FTSJ3: variants seen among roughly 807,000 people sequenced by gnomAD.
FTSJ3 encodes the protein pre-rRNA 2'-O-ribose RNA methyltransferase FTSJ3.
Under a neutral mutation model 111.5 loss-of-function variants are expected in FTSJ3, and 46 were observed. The ratio of observed to expected loss-of-function variants is 0.41; its 90% confidence interval spans 0.33 to 0.53. The LOEUF is 0.53. FTSJ3 is among the 20% of genes least tolerant of loss of function. The pLI, the probability that FTSJ3 is intolerant of heterozygous loss-of-function variation, is 0.19. For synonymous variants in FTSJ3, 408 were observed against 383.0 expected, an observed-to-expected ratio of 1.07 and a Z score of -0.76; for missense variants, 1,075 against 1,063.8, an observed-to-expected ratio of 1.01 and a Z score of -0.15.
chr17:63,827,060 A>G lies in FTSJ3; in HGVS notation c.-35T>C, dbSNP rs956583367. On this transcript the variant is annotated 5_prime_UTR_variant, in exon 1 of 21. Transcript: ENST00000427159. ...CCCTCTCCGCACACTACCTAGACCCAGAGCCGCTTTCTCCACACTTGGAAC... is the reference window on the plus strand; with the variant it reads ...CCCTCTCCGCACACTACCTAGACCCGGAGCCGCTTTCTCCACACTTGGAAC... 3 of 699,428 alleles carry G rather than the reference A, an allele frequency of 4.3e-6. No individual in the cohort carries two copies. The highest frequency in any genetic ancestry group is 7.4e-6 in the Non-Finnish European group (3 of 402,834). 43.3% of individuals were successfully genotyped at this position (699,428 alleles called of 1,614,324 possible). A position where few individuals can be genotyped will look rare whatever the true frequency, so the allele number is the denominator to read the frequency against.
chr17:63,827,118 C>A lies in FTSJ3; in HGVS notation c.-93G>T. On this transcript the variant is annotated 5_prime_UTR_variant, in exon 1 of 21. Coordinates refer to ENST00000427159, the MANE Select transcript of FTSJ3 (RefSeq NM_017647.4). The stretch of plus-strand genomic sequence containing the variant: ...GTATGCAGCTAACTACTTCCGCTTC[C>A]GCTTGCGTCCCCTGCGTCCCTGGCT... The A allele has an allele frequency of 1.6e-6, 1 of 610,290 alleles. No individual in the cohort carries two copies. Among genetic ancestry groups the A allele is most frequent in the Non-Finnish European group, 2.9e-6 (1 of 345,002 alleles). The allele number at this position is 610,290 out of a possible 1,614,324, so 37.8% of individuals were successfully genotyped here. A position where few individuals can be genotyped will look rare whatever the true frequency, so the allele number is the denominator to read the frequency against.
chr17:63,821,973 G>T lies in FTSJ3; in HGVS notation c.1475+11C>A, dbSNP rs372896206. On this transcript the variant is annotated intron_variant, in intron 14 of 20. Transcript: ENST00000427159. Reference sequence around the variant, plus strand: ...TGGCAGCATTCCCTTTGGTGCACACGTGCCCCTTACCGCTTTTGGTCCCTT... The same window carrying T: ...TGGCAGCATTCCCTTTGGTGCACACTTGCCCCTTACCGCTTTTGGTCCCTT... 6.2e-7 allele frequency: 1 copy of T among 1,613,656 alleles called. No homozygotes were observed. Among genetic ancestry groups the T allele is most frequent in the Non-Finnish European group, 8.5e-7 (1 of 1,179,802 alleles).
chr17:63,824,649 C>T lies in FTSJ3; in HGVS notation c.905G>A (p.Arg302His), dbSNP rs749340774. 42 of 1,613,726 alleles carry T rather than the reference C, an allele frequency of 2.6e-5. No individual in the cohort carries two copies. The highest frequency in any genetic ancestry group is 1.2e-4 in the Admixed American group (7 of 60,022). ...VCCQDIRVLG[R>H]KELRSLLNWR... ...CCCCACTCCATACCTGAGCTCCTTG[C>T]GCCCCAACACTCTGATGTCCTGACA... is the stretch of plus-strand genomic sequence containing the variant. Residue 302 changes from arginine (R) to histidine (H), a missense_variant, in exon 10 of 21, where the codon CGC becomes CAC. Physicochemically the swap from Arg to His is conservative, Grantham distance 29 (BLOSUM62 0). This residue lies in a region of FTSJ3 where 867 missense variants were observed against 796.9 expected (regional missense o/e 1.09). Coordinates refer to ENST00000427159, the MANE Select transcript of FTSJ3 (RefSeq NM_017647.4).
chr17:63,827,130 CTGCGTCCCT>C lies in FTSJ3; in HGVS notation c.-114_-106del, dbSNP rs1286245639. The C allele has an allele frequency of 2.0e-5, 12 of 608,918 alleles. No homozygotes were observed. Among genetic ancestry groups the C allele is most frequent in the African/African-American group, 1.8e-4 (10 of 54,144 alleles). 37.7% of individuals were successfully genotyped at this position (608,918 alleles called of 1,614,324 possible). A position where few individuals can be genotyped will look rare whatever the true frequency, so the allele number is the denominator to read the frequency against. ...CTACTTCCGCTTCCGCTTGCGTCCCCTGCGTCCCTGGCTCGAGGTTTTCCGCCATTTTGA... is the reference window on the plus strand; with the variant it reads ...CTACTTCCGCTTCCGCTTGCGTCCCCGGCTCGAGGTTTTCCGCCATTTTGA... On this transcript the variant is annotated 5_prime_UTR_variant, in exon 1 of 21. Coordinates refer to ENST00000427159, the MANE Select transcript of FTSJ3 (RefSeq NM_017647.4).
In FTSJ3 at chr17:63,826,547, C is replaced by T; in HGVS notation, c.173+20G>A. 6.3e-7 allele frequency: 1 copy of T among 1,595,058 alleles called. No homozygotes were observed. The highest frequency in any genetic ancestry group is 8.6e-7 in the Non-Finnish European group (1 of 1,163,148). On this transcript the variant is annotated intron_variant, in intron 3 of 20. Coordinates refer to ENST00000427159, the MANE Select transcript of FTSJ3 (RefSeq NM_017647.4). ...CCAGAAAGCGGCCACCAGGAGCAAC[C>T]TGTGGCGAGTGTTACGAACCATCCC...
chr17:63,824,887 T>G lies in FTSJ3; in HGVS notation c.754A>C (p.Thr252Pro). The G allele has an allele frequency of 6.3e-7, 1 of 1,597,170 alleles. No individual in the cohort carries two copies. Among genetic ancestry groups the G allele is most frequent in the South Asian group, 1.1e-5 (1 of 87,630 alleles). ...GCTCGGAGGAAGTCAGTGACTGAGG[T>G]ACGGTGATAGAGAGTGAGGTCACCC... ...AEGDLTLYHR[T>P]SVTDFLRAAN... The change falls in exon 9 of 21, where the codon ACC becomes CCC. Residue 252 changes from threonine to proline, a missense_variant. Coordinates refer to ENST00000427159, the MANE Select transcript of FTSJ3 (RefSeq NM_017647.4).
rs1363675559 is a variant in FTSJ3, at chr17:63,819,787, G to C, written c.*15C>G. 6.2e-7 allele frequency: 1 copy of C among 1,603,672 alleles called. No individual in the cohort carries two copies. Among genetic ancestry groups the C allele is most frequent in the Non-Finnish European group, 8.5e-7 (1 of 1,174,000 alleles). On this transcript the variant is annotated 3_prime_UTR_variant, in exon 21 of 21. Transcript: ENST00000427159. Reference sequence around the variant, plus strand: ...TCCTAGTCCCCATGCTCTCCTGGGAGCCTGGCAGCTCTGCTTACTTCCGTT... The same window carrying C: ...TCCTAGTCCCCATGCTCTCCTGGGACCCTGGCAGCTCTGCTTACTTCCGTT...
At position 63,820,453 on chromosome 17, in the gene FTSJ3, C is replaced by T. The variant is rs1567751156; in HGVS notation, c.2073-15G>A. The T allele has an allele frequency of 3.7e-6, 6 of 1,613,028 alleles. 1 individual carries two copies. Among genetic ancestry groups the T allele is most frequent in the Admixed American group, 1.7e-5 (1 of 59,962 alleles). ...TAAATGTGTACCTGAGTGGAAAGGA[C>T]ATCTGTCTAATATCCAACATTCCAG... On this transcript the variant is annotated splice_polypyrimidine_tract_variant and intron_variant, in intron 18 of 20. Transcript: ENST00000427159.
At chr17:63,826,977 TCCACTTCCAGTTTC>T (rs141581810) in intron 1 of FTSJ3, 49 bp from the exon 2 acceptor site, 595,077 of 1,026,702 alleles carry the variant, frequency 0.58, 191,217 homozygotes, top group African/African-American at 0.89. Context: ...AGCACCAGAT[TCCACTTCCAGTTTC>T]CCACTTCCAG....
Position 63,819,730 on chromosome 17 carries a change from G to A in FTSJ3, c.*72C>T. The A allele has an allele frequency of 1.4e-6, 2 of 1,399,518 alleles. No individual in the cohort carries two copies. Among genetic ancestry groups the A allele is most frequent in the South Asian group, 1.3e-5 (1 of 75,384 alleles). 86.7% of individuals were successfully genotyped at this position (1,399,518 alleles called of 1,614,324 possible). ...GAGCAGGGGCTAGGCCGGTAATCAA[G>A]GGGGCCAGACTGAGCCATGCCACAC... On this transcript the variant is annotated 3_prime_UTR_variant, in exon 21 of 21. Coordinates refer to ENST00000427159, the MANE Select transcript of FTSJ3 (RefSeq NM_017647.4).
rs1357407031 is a variant in FTSJ3, at chr17:63,819,859, C to T, written c.2487G>A (p.Lys829=). Residue 829 remains lysine (K), a synonymous_variant, in exon 21 of 21, where the codon AAG becomes AAA. Coordinates refer to ENST00000427159, the MANE Select transcript of FTSJ3 (RefSeq NM_017647.4). ...GHFKVVDSRM[K]KDQRAQQRKE... ...TACGTTGCTGTGCTCTTTGGTCCTT[C>T]TTCATCCTTGAGTCCACCACCTTGA... is the stretch of plus-strand genomic sequence containing the variant. The T allele has an allele frequency of 3.1e-6, 5 of 1,614,190 alleles. No homozygotes were observed. The South Asian group carries it at 5.5e-5, about 18-fold the overall frequency.
Position 63,827,190 on chromosome 17 carries a change from C to T in FTSJ3, c.-165G>A. 1 of 604,510 alleles carries T rather than the reference C, an allele frequency of 1.7e-6. No homozygotes were observed. The highest frequency in any genetic ancestry group is 2.0e-5 in the South Asian group (1 of 49,912). The allele number at this position is 604,510 out of a possible 1,614,324, so 37.4% of individuals were successfully genotyped here. A position where few individuals can be genotyped will look rare whatever the true frequency, so the allele number is the denominator to read the frequency against. On this transcript the variant is annotated 5_prime_UTR_variant, in exon 1 of 21. Coordinates refer to ENST00000427159, the MANE Select transcript of FTSJ3 (RefSeq NM_017647.4). ...GTGTGGCCCTAGATTGTTCTCAATA[C>T]TCTGTCCTTGGGTTTTGTAAGTTGA...
intron 8 of FTSJ3, 48 bp from the exon 9 acceptor site, chr17:63,824,977 T>C (rs1193929438): frequency 1.3e-6 from 2 of 1,582,714 alleles, no homozygotes; most frequent in Non-Finnish European, 1.7e-6. Flanking sequence ...CTAAGGTACC[T>C]GTAGGACCCA....
Position 63,819,795 on chromosome 17 carries a change from G to A in FTSJ3, c.*7C>T, listed in dbSNP as rs1363406953. On this transcript the variant is annotated 3_prime_UTR_variant, in exon 21 of 21. Transcript: ENST00000427159. ...CCCATGCTCTCCTGGGAGCCTGGCAGCTCTGCTTACTTCCGTTTGTGTTTT... is the reference window on the plus strand; with the variant it reads ...CCCATGCTCTCCTGGGAGCCTGGCAACTCTGCTTACTTCCGTTTGTGTTTT... 2.5e-6 allele frequency: 4 copies of A among 1,608,176 alleles called. No homozygotes were observed. The Admixed American group carries it at 6.7e-5, about 27-fold the overall frequency.
At position 63,820,453 on chromosome 17, in the gene FTSJ3, C is replaced by G. The variant is rs1567751156; in HGVS notation, c.2073-15G>C. On this transcript the variant is annotated splice_polypyrimidine_tract_variant and intron_variant, in intron 18 of 20. Coordinates refer to ENST00000427159, the MANE Select transcript of FTSJ3 (RefSeq NM_017647.4). Reference sequence around the variant, plus strand: ...TAAATGTGTACCTGAGTGGAAAGGACATCTGTCTAATATCCAACATTCCAG... The same window carrying G: ...TAAATGTGTACCTGAGTGGAAAGGAGATCTGTCTAATATCCAACATTCCAG... 2.5e-6 allele frequency: 4 copies of G among 1,613,028 alleles called. No homozygotes were observed. The highest frequency in any genetic ancestry group is 3.4e-6 in the Non-Finnish European group (4 of 1,179,316).
intron 5 of FTSJ3, 156 bp from the exon 6 acceptor site, chr17:63,825,791 C>T: frequency 1.5e-6 from 1 of 662,286 alleles, no homozygotes. Context: ...ATGTCTCTAC[C>T]TTCATGGAGA....
chr17:63,826,371 C>T, intron 3 of FTSJ3, 67 bp from the exon 4 acceptor site: 2 of 1,473,636 alleles, frequency 1.4e-6, no homozygotes, highest in South Asian at 2.3e-5. Context: ...ACTGATCTCT[C>T]ATCCCTGGTG....
In FTSJ3 at chr17:63,826,662, G is replaced by A. The variant is rs1567755105; in HGVS notation, c.78C>T (p.Ser26=). ...GCTGGATCAGCTTGAAAGCAGATCG[G>A]GAACGGTAACCTGGACAAAACAACC... ...YHLAKETGYR[S]RSAFKLIQLN... The change falls in exon 3 of 21, where the codon TCC becomes TCT. Residue 26 remains serine, a synonymous_variant. Transcript: ENST00000427159. 6.2e-7 allele frequency: 1 copy of A among 1,613,746 alleles called. No homozygotes were observed. Among genetic ancestry groups the A allele is most frequent in the African/African-American group, 1.3e-5 (1 of 75,038 alleles).
At position 63,819,824 on chromosome 17, in the gene FTSJ3, T is replaced by C. The variant is rs1481834939; in HGVS notation, c.2522A>G (p.Lys841Arg). Residue 841 changes from lysine to arginine, a missense_variant, in exon 21 of 21, where the codon AAG becomes AGG. By Grantham distance (26) the Lys-to-Arg change is conservative (BLOSUM62 2). Coordinates refer to ENST00000427159, the MANE Select transcript of FTSJ3 (RefSeq NM_017647.4). ...TGCTTACTTCCGTTTGTGTTTTTTC[T>C]TTTGTTCCTTACGTTGCTGTGCTCT... ...DQRAQQRKEQ[K>R]KKHKRK The C allele has an allele frequency of 6.2e-7, 1 of 1,613,488 alleles. No individual in the cohort carries two copies. The highest frequency in any genetic ancestry group is 1.1e-5 in the South Asian group (1 of 91,074).
Sources: gnomAD v4.1 joint callset for allele counts on GRCh38, gnomAD v4.1.1 for gene constraint, gnomAD v4.1.1 regional missense constraint, MANE v1.5 for transcripts, NCBI Gene and HGNC (gene_info 2026-07-23, HGNC 2026-07-21) for gene names.